ERGIC2: variants seen among roughly 807,000 people sequenced by gnomAD.
ERGIC2 encodes the protein endoplasmic reticulum-Golgi intermediate compartment protein 2.
In ERGIC2, 31 loss-of-function variants were observed where a neutral mutation model predicts 52.5. That is an observed-to-expected ratio of 0.59 (90% CI 0.44 to 0.80). ERGIC2 has a LOEUF of 0.80. ERGIC2 is among the 30% of genes least tolerant of loss of function. ERGIC2 has a pLI of 0.00. For synonymous variants in ERGIC2, 129 were observed against 140.6 expected (o/e 0.92, Z 0.58); for missense variants, 395 against 455.2 (o/e 0.87, Z 1.20).
intron 8 of ERGIC2, among the ~76,000 whole-genome samples, chr12:29,352,063 ATAG>A (rs1021775171): frequency 1.8e-4 from 28 of 152,168 alleles, no homozygotes; most frequent in Non-Finnish European, 3.4e-4. Context: ...TTTTTTTAAC[ATAG>A]TAATACAATA....
intron 12 of ERGIC2, among the ~76,000 whole-genome samples, chr12:29,342,683 G>C (rs1949847979): frequency 6.6e-6 from 1 of 152,106 alleles, no homozygotes; most frequent in Non-Finnish European, 1.5e-5. Flanking sequence ...TATAACATAT[G>C]ATTTTACATA....
At chr12:29,360,739 T>C (rs926248675) in intron 6 of ERGIC2, among the ~76,000 whole-genome samples, 8 of 151,140 alleles carry the variant, frequency 5.3e-5, no homozygotes, top group Non-Finnish European at 7.4e-5. Context: ...AAGAAACTTA[T>C]CACTGGTTAT....
chr12:29,356,615 C>T (rs958854756), intron 7 of ERGIC2, 138 bp from the exon 8 acceptor site: 14 of 491,468 alleles, frequency 2.8e-5, no homozygotes, highest in Non-Finnish European at 4.6e-5. Flanking sequence ...AGAATAGTTT[C>T]CTGAAGTCTA....
chr12:29,340,844 G>A lies in ERGIC2; in HGVS notation c.*312C>T. 1 of 451,246 alleles carries A rather than the reference G, an allele frequency of 2.2e-6. No individual in the cohort carries two copies. Among genetic ancestry groups the A allele is most frequent in the Admixed American group, 3.2e-5 (1 of 31,526 alleles). The allele number at this position is 451,246 out of a possible 1,614,324, so 28.0% of individuals were successfully genotyped here. A position where few individuals can be genotyped will look rare whatever the true frequency, so the allele number is the denominator to read the frequency against. ...CTTATTTCCTTCAGGCTTTTTATCA[G>A]CAAGAAGCAATGTCTGATTTTGATA... On this transcript the variant is annotated 3_prime_UTR_variant, in exon 14 of 14. Coordinates refer to ENST00000360150, the MANE Select transcript of ERGIC2 (RefSeq NM_016570.3).
intron 1 of ERGIC2, among the ~76,000 whole-genome samples, chr12:29,374,628 G>C (rs1940489093): frequency 6.6e-6 from 1 of 152,120 alleles, no homozygotes; most frequent in Non-Finnish European, 1.5e-5. Flanking sequence ...TGTTCCTCCT[G>C]TATCTATCTT....
chr12:29,361,612 T>C (rs1169062694), intron 6 of ERGIC2, 33 bp downstream of exon 6: 3 of 1,543,184 alleles, frequency 1.9e-6, no homozygotes, highest in Non-Finnish European at 2.6e-6. Flanking sequence ...GACTTAGATT[T>C]CTATGGACCA....
chr12:29,354,587 A>C (rs1186626514), intron 8 of ERGIC2, among the ~76,000 whole-genome samples: 2 of 152,198 alleles, frequency 1.3e-5, no homozygotes, highest in Non-Finnish European at 2.9e-5. Context: ...ACCTTCAAAA[A>C]GATCAATATT....
At chr12:29,366,178 C>T (rs1940359866) in intron 5 of ERGIC2, among the ~76,000 whole-genome samples, 1 of 151,912 alleles carries the variant, frequency 6.6e-6, no homozygotes, top group African/African-American at 2.4e-5. Flanking sequence ...TACCACCATG[C>T]CAACAGAGCA....
intron 9 of ERGIC2, 131 bp from the exon 10 acceptor site, chr12:29,349,308 T>C (rs1286250775): frequency 2.3e-6 from 1 of 426,278 alleles, no homozygotes; most frequent in East Asian, 3.7e-5. Flanking sequence ...AATAATACAG[T>C]ATTTTAAGCC....
At chr12:29,379,649 T>C (rs1000212584) in intron 1 of ERGIC2, among the ~76,000 whole-genome samples, 2 of 152,218 alleles carry the variant, frequency 1.3e-5, no homozygotes, top group African/African-American at 2.4e-5. Flanking sequence ...ATGCTTTGTA[T>C]GTTTCAACAC....
At chr12:29,341,889 A>G (rs1357978193) in intron 12 of ERGIC2, 73 bp from the exon 13 acceptor site, 2 of 724,458 alleles carry the variant, frequency 2.8e-6, no homozygotes, top group Non-Finnish European at 4.8e-6. Flanking sequence ...ACTATAATGG[A>G]ATAGATTACG....
intron 4 of ERGIC2, among the ~76,000 whole-genome samples, chr12:29,367,861 C>T (rs1020930110): frequency 9.2e-5 from 14 of 151,712 alleles, no homozygotes; most frequent in African/African-American, 1.9e-4. Flanking sequence ...TATTTTTAAA[C>T]GCAAGAGTAA....
intron 13 of ERGIC2, 143 bp from the exon 14 acceptor site, chr12:29,341,361 C>A: frequency 2.9e-6 from 2 of 678,958 alleles, no homozygotes; most frequent in Admixed American, 2.8e-5. Flanking sequence ...CCCTATTTCT[C>A]TATCTCTCTA....
At chr12:29,371,808 T>C in intron 1 of ERGIC2, 138 bp from the exon 2 acceptor site, 1 of 525,616 alleles carries the variant, frequency 1.9e-6, no homozygotes, top group South Asian at 2.8e-5. Flanking sequence ...AGCATAGTAT[T>C]TATCCACACT....
intron 1 of ERGIC2, among the ~76,000 whole-genome samples, chr12:29,379,387 A>G (rs1940556316): frequency 6.6e-6 from 1 of 152,154 alleles, no homozygotes; most frequent in Admixed American, 6.5e-5. Context: ...TTTAGTCATT[A>G]AAAGAGGATA....
intron 5 of ERGIC2, among the ~76,000 whole-genome samples, chr12:29,363,669 T>C (rs1230871400): frequency 6.6e-6 from 1 of 152,048 alleles, no homozygotes; most frequent in Non-Finnish European, 1.5e-5. Context: ...TGCTTAATTC[T>C]AACATATCAC....
chr12:29,339,768 A>G lies in ERGIC2; in HGVS notation c.*1388T>C, dbSNP rs77221829. 3 of 152,154 alleles carry G rather than the reference A, an allele frequency of 2.0e-5. No individual in the cohort carries two copies. The highest frequency in any genetic ancestry group is 4.4e-5 in the Non-Finnish European group (3 of 67,990). The allele number at this position is 152,154 out of a possible 1,614,324, so 9.4% of individuals were successfully genotyped here. Reference sequence around the variant, plus strand: ...TTTTCATAAATTTATCTTTAAAAAAATCCATTTGAAAAACTGTTACTTGTG... The same window carrying G: ...TTTTCATAAATTTATCTTTAAAAAAGTCCATTTGAAAAACTGTTACTTGTG... On this transcript the variant is annotated 3_prime_UTR_variant, in exon 14 of 14. Coordinates refer to ENST00000360150, the MANE Select transcript of ERGIC2 (RefSeq NM_016570.3).
At chr12:29,341,355 A>T in intron 13 of ERGIC2, 137 bp from the exon 14 acceptor site, 1 of 703,760 alleles carries the variant, frequency 1.4e-6, no homozygotes, top group Non-Finnish European at 2.5e-6. Context: ...CTCTCCCCCT[A>T]TTTCTCTATC....
At chr12:29,356,353 A>T in intron 8 of ERGIC2, 29 bp downstream of exon 8, 1 of 1,289,986 alleles carries the variant, frequency 7.8e-7, no homozygotes, top group Non-Finnish European at 1.1e-6. Flanking sequence ...CTTTGTCTAA[A>T]GTATTTTCAG....
Sources: allele counts gnomAD v4.1 joint callset (sites outside exome capture counted in the v4.1 genomes callset), GRCh38; gene constraint gnomAD v4.1.1; transcripts MANE v1.5; gene names NCBI Gene and HGNC (gene_info 2026-07-23, HGNC 2026-07-21).